The following SAMHD1 variants were observed in gnomAD, a reference collection of about 807,000 sequenced individuals.
SAMHD1 encodes the protein deoxynucleoside triphosphate triphosphohydrolase SAMHD1.
SAMHD1 carries 54 observed loss-of-function variants against 79.6 expected under a neutral mutation model. That is an observed-to-expected ratio of 0.68 (90% CI 0.55 to 0.85). SAMHD1 has a LOEUF of 0.85. Ranked by LOEUF, SAMHD1 falls within the 40% of genes least tolerant of loss-of-function variation. SAMHD1 has a pLI of 0.00. For synonymous variants in SAMHD1, 260 were observed against 264.1 expected (o/e 0.98, Z 0.15); for missense variants, 663 against 782.7 (o/e 0.85, Z 1.82).
chr20:36,897,802 G>A lies in SAMHD1; in HGVS notation c.1746+20C>T, dbSNP rs751492100. On this transcript the variant is annotated intron_variant, in intron 15 of 15. Transcript: ENST00000646673. ...AAAAATAAAAAATTGTGCAAAGTTT[G>A]TGAGTAACAGGCCACCTACCTGCGG... 4.3e-6 allele frequency: 7 copies of A among 1,614,130 alleles called. No homozygotes were observed. The highest frequency in any genetic ancestry group is 5.9e-6 in the Non-Finnish European group (7 of 1,179,990).
At position 36,921,430 on chromosome 20, in the gene SAMHD1, T is replaced by C. The variant is rs556461191; in HGVS notation, c.697-1911A>G. ...AAAAAAAACGAATTGAATCAAGATA[T>C]ACGTAATTACAAAGAGGAAAAATAG... On this transcript the variant is annotated intron_variant, in intron 6 of 15. Coordinates refer to ENST00000646673, the MANE Select transcript of SAMHD1 (RefSeq NM_015474.4). 8.1e-5 allele frequency among the ~76,000 whole-genome samples: 11 copies of C among 135,400 alleles called. No homozygotes were observed. The South Asian group carries it at 1.2e-3, about 15-fold the overall frequency. 88.8% of individuals were successfully genotyped at this position (135,400 alleles called of 152,430 possible).
intron 5 of SAMHD1, among the ~76,000 whole-genome samples, chr20:36,929,336 A>T (rs1206245171): frequency 2.6e-5 from 4 of 152,114 alleles, no homozygotes. Context: ...AAACAGTGGC[A>T]TGCACCTCCC....
At chr20:36,921,924 G>C (rs1185525236) in intron 6 of SAMHD1, among the ~76,000 whole-genome samples, 1 of 152,072 alleles carries the variant, frequency 6.6e-6, no homozygotes, top group African/African-American at 2.4e-5. Flanking sequence ...TCTGACCTCA[G>C]GTAATCCACC....
At position 36,946,870 on chromosome 20, in the gene SAMHD1, T is replaced by A. The variant is rs547924234; in HGVS notation, c.209-66A>T. ...GCTTTTCATTTTCTTTCAATTTGGA[T>A]ACACCAACATTTACCCAGATCCACA... On this transcript the variant is annotated intron_variant, in intron 1 of 15. Transcript: ENST00000646673. The A allele has an allele frequency of 2.4e-6, 3 of 1,275,912 alleles. No individual in the cohort carries two copies. The South Asian group carries it at 3.8e-5, about 16-fold the overall frequency. 79.0% of individuals were successfully genotyped at this position (1,275,912 alleles called of 1,614,324 possible).
Position 36,905,452 on chromosome 20 carries a change from G to A in SAMHD1, c.1322C>T (p.Ala441Val). ...LYSTDPKLKD[A>V]REILKQIEYR... ...TTCAATTTGTTTTAAAATCTCTCGT[G>A]CGTCTTTCAATTTGGGATCAGTAGA... is the stretch of plus-strand genomic sequence containing the variant. Residue 441 changes from alanine to valine, a missense_variant, in exon 12 of 16, where the codon GCA becomes GTA. By Grantham distance (64) the Ala-to-Val change is moderately conservative. Transcript: ENST00000646673. 6.2e-7 allele frequency: 1 copy of A among 1,613,302 alleles called. No individual in the cohort carries two copies. The highest frequency in any genetic ancestry group is 8.5e-7 in the Non-Finnish European group (1 of 1,179,398).
chr20:36,910,765 G>A (rs1003729536), intron 11 of SAMHD1, among the ~76,000 whole-genome samples: 4 of 151,658 alleles, frequency 2.6e-5, no homozygotes, highest in African/African-American at 9.7e-5. Flanking sequence ...TGTATATTGA[G>A]TACTTACGTA....
rs66970329 is a variant in SAMHD1 at position 36,912,751 on chromosome 20, ATTTTTT to A, written c.1063-205_1063-200del. Reference sequence around the variant, plus strand: ...AGCCATTTATTGGCTTGCAACTTTCATTTTTTTTTTTTTTTTTTTTTTTTTTAAAAG... The same window carrying A: ...AGCCATTTATTGGCTTGCAACTTTCATTTTTTTTTTTTTTTTTTTTAAAAG... On this transcript the variant is annotated intron_variant, in intron 9 of 15. Transcript: ENST00000646673. 5.8e-3 allele frequency among the ~76,000 whole-genome samples: 622 copies of A among 107,028 alleles called. 7 individuals are homozygous for A. Among genetic ancestry groups the A allele is most frequent in the African/African-American group, 0.017 (505 of 28,866 alleles). The allele number at this position is 107,028 out of a possible 152,430, so 70.2% of individuals were successfully genotyped here.
chr20:36,904,269 C>G lies in SAMHD1; in HGVS notation c.1411-20G>C. 6.5e-7 allele frequency: 1 copy of G among 1,529,794 alleles called. No homozygotes were observed. The highest frequency in any genetic ancestry group is 9.1e-7 in the Non-Finnish European group (1 of 1,103,332). The allele number at this position is 1,529,794 out of a possible 1,614,324, so 94.8% of individuals were successfully genotyped here. A position where few individuals can be genotyped will look rare whatever the true frequency, so the allele number is the denominator to read the frequency against. ...GTCCTCCTGGAAAACACAAGACTCC[C>G]CATGTTAGAATCCATTTTTCATCAA... On this transcript the variant is annotated intron_variant, in intron 12 of 15. Transcript: ENST00000646673.
intron 2 of SAMHD1, among the ~76,000 whole-genome samples, chr20:36,945,317 G>A (rs2063678580): frequency 6.6e-6 from 1 of 152,188 alleles, no homozygotes; most frequent in Non-Finnish European, 1.5e-5. Context: ...TACAGAAACT[G>A]AAGGGTTAAA....
At position 36,919,522 on chromosome 20, in the gene SAMHD1, A is replaced by G. The variant is rs1023830459; in HGVS notation, c.697-3T>C. On this transcript the variant is annotated splice_polypyrimidine_tract_variant and splice_region_variant and intron_variant, in intron 6 of 15. Transcript: ENST00000646673. ...ATCATAACTGAGCCTTGTTCATGCTAGGAAAAGTAAGCACAATATGATGTG... is the reference window on the plus strand; with the variant it reads ...ATCATAACTGAGCCTTGTTCATGCTGGGAAAAGTAAGCACAATATGATGTG... 1.5e-5 allele frequency: 24 copies of G among 1,612,946 alleles called. No individual in the cohort carries two copies. Among genetic ancestry groups the G allele is most frequent in the Non-Finnish European group, 1.9e-5 (23 of 1,179,754 alleles).
In SAMHD1 at chr20:36,892,953, A is replaced by G. The variant is rs2148352120; in HGVS notation, c.1860T>C (p.Leu620=). Residue 620 remains leucine (L), a synonymous_variant, in exon 16 of 16, where the codon CTT becomes CTC. Coordinates refer to ENST00000646673, the MANE Select transcript of SAMHD1 (RefSeq NM_015474.4). ...ACATTCACATTGGGTCATCTTTAAAAAGCTGGACTCTGCTTTTGGATGCTT... is the reference window on the plus strand; with the variant it reads ...ACATTCACATTGGGTCATCTTTAAAGAGCTGGACTCTGCTTTTGGATGCTT... ...LREASKSRVQ[L]FKDDPM is the part of the protein sequence containing the mutation. The G allele has an allele frequency of 4.3e-6, 7 of 1,614,092 alleles. No homozygotes were observed. The highest frequency in any genetic ancestry group is 5.1e-6 in the Non-Finnish European group (6 of 1,180,026).
chr20:36,945,633 C>A (rs2063680797), intron 2 of SAMHD1, among the ~76,000 whole-genome samples: 1 of 152,176 alleles, frequency 6.6e-6, no homozygotes. Context: ...GTAATCTCAG[C>A]ACTTTGGGAG....
intron 13 of SAMHD1, among the ~76,000 whole-genome samples, chr20:36,900,865 C>T (rs1395280220): frequency 6.6e-6 from 1 of 151,686 alleles, no homozygotes; most frequent in Non-Finnish European, 1.5e-5. Flanking sequence ...AGCCACCGTG[C>T]CCGGCCTATT....
At position 36,905,517 on chromosome 20, in the gene SAMHD1, G is replaced by A. The variant is rs201790259; in HGVS notation, c.1271-14C>T. The A allele has an allele frequency of 8.9e-6, 14 of 1,579,898 alleles. No homozygotes were observed. The highest frequency in any genetic ancestry group is 2.2e-5 in the East Asian group (1 of 44,664). ...GAAAAATGTTATCTGCCAATTTAAT[G>A]ACATTTCAGTTATATTAAAATAAAA... On this transcript the variant is annotated splice_polypyrimidine_tract_variant and intron_variant, in intron 11 of 15. Transcript: ENST00000646673.
rs2146117160 is a variant in SAMHD1, at chr20:36,917,040, T to C, written c.862A>G (p.Lys288Glu). The change falls in exon 8 of 16, where the codon AAA becomes GAA. Residue 288 changes from lysine to glutamate, a missense_variant. By Grantham distance (56) the Lys-to-Glu change is moderately conservative. Coordinates refer to ENST00000646673, the MANE Select transcript of SAMHD1 (RefSeq NM_015474.4). ...SPVEDSLWPYKGRPENKSFLY... is the reference protein window; with the variant it reads ...SPVEDSLWPYEGRPENKSFLY... ...AAGCTTTTGTTTTCAGGACGCCCTT[T>C]ATATGGCCACTGGAAGGCAAGAAAA... is the stretch of plus-strand genomic sequence containing the variant. 6.2e-7 allele frequency: 1 copy of C among 1,612,328 alleles called. No individual in the cohort carries two copies. The highest frequency in any genetic ancestry group is 8.5e-7 in the Non-Finnish European group (1 of 1,178,456).
Position 36,904,165 on chromosome 20 carries a change from TA to T in SAMHD1, c.1494del (p.Phe498LeufsTer2). On this transcript the variant is annotated frameshift_variant, in exon 13 of 16. Transcript: ENST00000646673. LOFTEE classifies it high-confidence loss of function. Reference protein sequence around the residue: ...LLDVKLKAEDFIVDVINMDYG... With the variant: ...LLDVKLKAEDXIVDVINMDYG... The stretch of plus-strand genomic sequence containing the variant: ...CTGGGCTAATTACTTACATCCACTA[TA>T]AAATCTTCAGCCTTCAGTTTCACGT... The T allele has an allele frequency of 1.2e-6, 2 of 1,609,276 alleles. No individual in the cohort carries two copies. The highest frequency in any genetic ancestry group is 8.5e-7 in the Non-Finnish European group (1 of 1,175,604).
At chr20:36,939,332 C>T (rs908606092) in intron 3 of SAMHD1, among the ~76,000 whole-genome samples, 1 of 150,250 alleles carries the variant, frequency 6.7e-6, no homozygotes, top group Non-Finnish European at 1.5e-5. Flanking sequence ...TTGGCTCATG[C>T]CTGTAATCCC....
intron 13 of SAMHD1, among the ~76,000 whole-genome samples, chr20:36,900,569 A>T (rs1379198410): frequency 7.5e-6 from 1 of 133,388 alleles, no homozygotes; most frequent in East Asian, 2.3e-4. Flanking sequence ...TCTATTACAT[A>T]GTTTTTTTGT....
At position 36,914,774 on chromosome 20, in the gene SAMHD1, A is replaced by G. The variant is rs150841113; in HGVS notation, c.1062+1948T>C. ...GTAATACCAGCACTTTGGGAGGCCA[A>G]GGAGGACAAGTTGCTTGAGGTCAGA... On this transcript the variant is annotated intron_variant, in intron 9 of 15. Coordinates refer to ENST00000646673, the MANE Select transcript of SAMHD1 (RefSeq NM_015474.4). Among the ~76,000 whole-genome samples, 568 of 151,842 alleles carry G rather than the reference A, an allele frequency of 3.7e-3. 2 individuals carry two copies. The highest frequency in any genetic ancestry group is 0.014 in the Middle Eastern group (4 of 294).
Sources: allele counts gnomAD v4.1 joint callset (sites outside exome capture counted in the v4.1 genomes callset), GRCh38; gene constraint gnomAD v4.1.1; transcripts MANE v1.5; gene names NCBI Gene and HGNC (gene_info 2026-07-23, HGNC 2026-07-21).